The following FBXW7 variants were observed in gnomAD, a reference collection of about 807,000 sequenced individuals.
The protein encoded by FBXW7 is F-box and WD repeat domain containing 7.
FBXW7 carries 11 observed loss-of-function variants against 86.3 expected under a neutral mutation model. The observed-to-expected ratio is 0.13, with a 90% CI of 0.08 to 0.21. FBXW7 has a LOEUF of 0.21. Ranked by LOEUF, FBXW7 falls within the 10% of genes least tolerant of loss-of-function variation. The pLI is 1.00. For missense variants in FBXW7, 488 were observed against 847.4 expected, an observed-to-expected ratio of 0.58 and a Z score of 5.27; for synonymous variants, 313 against 297.9, an observed-to-expected ratio of 1.05 and a Z score of -0.52.
At chr4:152,443,685 G>A (rs1741112773) in intron 2 of FBXW7, among the ~76,000 whole-genome samples, 1 of 151,956 alleles carries the variant, frequency 6.6e-6, no homozygotes, top group Non-Finnish European at 1.5e-5. Flanking sequence ...AAATTTGCTG[G>A]GTGGGTAGGT....
chr4:152,338,039 T>C (rs1578914251), intron 6 of FBXW7, 103 bp from the exon 7 acceptor site: 1 of 1,103,384 alleles, frequency 9.1e-7, no homozygotes, highest in African/African-American at 1.6e-5. Flanking sequence ...TTGATCAGGG[T>C]AGAACTGTAT....
chr4:152,456,835 C>T (rs921579468), intron 2 of FBXW7, among the ~76,000 whole-genome samples: 1 of 152,164 alleles, frequency 6.6e-6, no homozygotes, highest in Non-Finnish European at 1.5e-5. Context: ...GGTAAACATA[C>T]ACCTACTATA....
intron 4 of FBXW7, among the ~76,000 whole-genome samples, chr4:152,356,853 T>A (rs1374711875): frequency 6.6e-6 from 1 of 152,208 alleles, no homozygotes; most frequent in Non-Finnish European, 1.5e-5. Flanking sequence ...CAATAAGCAA[T>A]TTTCCATATT....
At chr4:152,500,422 T>C (rs1306183048) in intron 2 of FBXW7, among the ~76,000 whole-genome samples, 1 of 150,348 alleles carries the variant, frequency 6.7e-6, no homozygotes. Flanking sequence ...TGCAAAAGCA[T>C]GTTTCTTTCT....
intron 4 of FBXW7, among the ~76,000 whole-genome samples, chr4:152,401,983 T>C (rs532439627): frequency 2.6e-5 from 4 of 152,092 alleles, no homozygotes; most frequent in African/African-American, 4.8e-5. Context: ...ATTGGAGGGA[T>C]AGAAGAAAAA....
chr4:152,471,019 A>G (rs542140717), intron 2 of FBXW7, among the ~76,000 whole-genome samples: 1 of 152,206 alleles, frequency 6.6e-6, no homozygotes, highest in South Asian at 2.1e-4. Context: ...TAAAAATCAC[A>G]TATCATAACT....
At chr4:152,354,343 A>C (rs1732158163) in intron 4 of FBXW7, among the ~76,000 whole-genome samples, 2 of 152,082 alleles carry the variant, frequency 1.3e-5, no homozygotes, top group African/African-American at 4.8e-5. Context: ...AAGCAAAAAA[A>C]CAAAAAAATC....
intron 4 of FBXW7, among the ~76,000 whole-genome samples, chr4:152,363,601 CCACT>C (rs1251660450): frequency 1.3e-5 from 2 of 152,018 alleles, no homozygotes; most frequent in African/African-American, 2.4e-5. Flanking sequence ...CTTTCAGTGC[CCACT>C]ATCAAAGATG....
chr4:152,341,396 T>C (rs1730724743), intron 6 of FBXW7, among the ~76,000 whole-genome samples: 1 of 152,230 alleles, frequency 6.6e-6, no homozygotes, highest in Non-Finnish European at 1.5e-5. Context: ...CTTGCTTCCT[T>C]ACTTCCTTCC....
At chr4:152,435,048 A>G (rs968489401) in intron 2 of FBXW7, among the ~76,000 whole-genome samples, 14 of 124,530 alleles carry the variant, frequency 1.1e-4, no homozygotes, top group Non-Finnish European at 2.1e-4. Flanking sequence ...AGGTTTGGAA[A>G]CTACTAACGA....
intron 8 of FBXW7, 69 bp from the exon 9 acceptor site, chr4:152,330,937 T>C: frequency 6.9e-7 from 1 of 1,448,896 alleles, no homozygotes; most frequent in African/African-American, 1.4e-5. Flanking sequence ...TATAAAGTAT[T>C]CCATCTTTAT....
At chr4:152,365,401 G>A (rs566723792) in intron 4 of FBXW7, among the ~76,000 whole-genome samples, 2 of 152,278 alleles carry the variant, frequency 1.3e-5, no homozygotes, top group African/African-American at 4.8e-5. Context: ...GGCAGTGATT[G>A]AGAGTAGATG....
intron 2 of FBXW7, among the ~76,000 whole-genome samples, chr4:152,527,069 G>A (rs1030659302): frequency 5.9e-5 from 9 of 152,146 alleles, no homozygotes; most frequent in Non-Finnish European, 1.2e-4. Flanking sequence ...ACACTGATGG[G>A]TCAAATGCTA....
chr4:152,354,356 ATTG>A (rs1732159886), intron 4 of FBXW7, among the ~76,000 whole-genome samples: 1 of 152,070 alleles, frequency 6.6e-6, no homozygotes, highest in Non-Finnish European at 1.5e-5. Flanking sequence ...AAAAAATCTA[ATTG>A]TTAGGAATGG....
rs546922700 is a variant in FBXW7 at position 152,444,141 on chromosome 4, C to A, written c.-119-31612G>T. On this transcript the variant is annotated intron_variant, in intron 2 of 13. Coordinates refer to ENST00000281708, the MANE Select transcript of FBXW7 (RefSeq NM_001349798.2). ...AATGCTGATATTCTACTACTCTTGA[C>A]CTACAAAAACGGTAATTTCATATGA... Among the ~76,000 whole-genome samples the A allele has an allele frequency of 6.6e-5, 10 of 152,244 alleles. 1 individual carries two copies. The Middle Eastern group carries it at 0.01, about 155-fold the overall frequency.
intron 6 of FBXW7, among the ~76,000 whole-genome samples, chr4:152,341,107 C>T (rs80218989): frequency 0.015 from 2,287 of 152,306 alleles, 25 homozygotes; most frequent in Admixed American, 0.024. Context: ...CAGCTTTCTA[C>T]CTTCGGCTCT....
At chr4:152,378,563 T>G (rs768035151) in intron 4 of FBXW7, among the ~76,000 whole-genome samples, 9 of 152,160 alleles carry the variant, frequency 5.9e-5, no homozygotes, top group Non-Finnish European at 1.2e-4. Flanking sequence ...AACCAACAAT[T>G]GCATGTCATT....
intron 2 of FBXW7, among the ~76,000 whole-genome samples, chr4:152,449,563 A>G (rs533754344): frequency 2.0e-5 from 3 of 152,342 alleles, no homozygotes; most frequent in African/African-American, 7.2e-5. Context: ...AGAAAAAAGG[A>G]CATATGGCTA....
chr4:152,531,346 A>C (rs1750008738), intron 2 of FBXW7, among the ~76,000 whole-genome samples: 1 of 152,144 alleles, frequency 6.6e-6, no homozygotes, highest in Non-Finnish European at 1.5e-5. Flanking sequence ...CCTTGTTGAA[A>C]CATCTCTTCC....
Sources: allele counts gnomAD v4.1 joint callset (sites outside exome capture counted in the v4.1 genomes callset), GRCh38; gene constraint gnomAD v4.1.1; transcripts MANE v1.5; gene names NCBI Gene and HGNC (gene_info 2026-07-23, HGNC 2026-07-21).